The following USP11 variants were observed in gnomAD, a reference collection of about 807,000 sequenced individuals.
USP11 encodes the protein ubiquitin specific peptidase 11.
In USP11, 5 loss-of-function variants were observed where a neutral mutation model predicts 72.8. The observed-to-expected ratio is 0.07, with a 90% CI of 0.04 to 0.14. The LOEUF (loss-of-function observed/expected upper bound fraction) is 0.14. USP11 is among the 10% of genes least tolerant of loss of function. The pLI, the probability that USP11 is intolerant of heterozygous loss-of-function variation, is 1.00. For missense variants in USP11, 480 were observed against 794.7 expected (o/e 0.60, Z 4.76); for synonymous variants, 368 against 326.5 (o/e 1.13, Z -1.37).
At chrX:47,241,822 C>T in intron 9 of USP11, 123 bp downstream of exon 9, 5 of 888,018 alleles carry the variant, frequency 5.6e-6, no homozygotes, top group Non-Finnish European at 7.6e-6. Flanking sequence ...TACCTGACCT[C>T]AACTCCAGCC....
intron 7 of USP11, 198 bp from the exon 8 acceptor site, chrX:47,241,079 T>C: frequency 1.8e-6 from 1 of 563,306 alleles, no homozygotes; most frequent in Non-Finnish European, 2.8e-6. Context: ...TTTTCCCTCT[T>C]CTCTTCCCTG....
chrX:47,240,683 C>T (rs375461231), intron 6 of USP11, 35 bp downstream of exon 6: 17 of 1,207,168 alleles, frequency 1.4e-5, no homozygotes, highest in Admixed American at 2.2e-5. Context: ...AGAGCGGGGG[C>T]GTCCCACAGT....
In USP11 at chrX:47,240,068, G is replaced by A. The variant is rs1259477881; in HGVS notation, c.535+161G>A. ...GCTAAGTTGGGTGGAGGCACTGAGGGGATCTACTAGAGCCCTGAGGGTATG... is the reference window on the plus strand; with the variant it reads ...GCTAAGTTGGGTGGAGGCACTGAGGAGATCTACTAGAGCCCTGAGGGTATG... On this transcript the variant is annotated intron_variant, in intron 4 of 20. Transcript: ENST00000377107. Among the ~76,000 whole-genome samples the A allele has an allele frequency of 5.4e-5, 6 of 111,781 alleles. No homozygotes were observed. In the Admixed American group the frequency reaches 5.7e-4, roughly 11 times the overall value.
rs752228966 is a variant in USP11, at chrX:47,247,951, GAAAA to G, written c.*34_*37del. 8.3e-5 allele frequency: 85 copies of G among 1,023,516 alleles called. No individual in the cohort carries two copies. The highest frequency in any genetic ancestry group is 7.9e-4 in the Admixed American group (17 of 21,492). 84.3% of individuals were successfully genotyped at this position (1,023,516 alleles called of 1,213,427 possible). On this transcript the variant is annotated 3_prime_UTR_variant, in exon 21 of 21. Transcript: ENST00000377107. ...ATTGAGAGCCCTGGGTCCTGCCACA[GAAAA>G]AAAAAAAAAAAAGCCCTCTCTGCAA...
At chrX:47,247,050 C>G (rs753886789) in intron 17 of USP11, 22 bp from the exon 18 acceptor site, 1 of 1,175,210 alleles carries the variant, frequency 8.5e-7, no homozygotes, top group South Asian at 1.9e-5. Context: ...AGTCCGTTTG[C>G]TGACTCGGGC....
chrX:47,236,281 G>A (rs2055371554), intron 1 of USP11, among the ~76,000 whole-genome samples: 1 of 112,414 alleles, frequency 8.9e-6, no homozygotes, highest in African/African-American at 3.2e-5. Context: ...TGCTTCTCTA[G>A]TAAGAGCAAA....
At chrX:47,240,898 C>G (rs1159264113) in intron 7 of USP11, 22 bp downstream of exon 7, 1 of 1,185,695 alleles carries the variant, frequency 8.4e-7, no homozygotes, top group East Asian at 3.0e-5. Context: ...ATAGTTGTGT[C>G]TGGCACAGCC....
chrX:47,243,639 G>A (rs762190730), intron 13 of USP11, 37 bp downstream of exon 13: 2 of 1,173,066 alleles, frequency 1.7e-6, no homozygotes, highest in African/African-American at 1.8e-5. Flanking sequence ...GGGGCGGAGG[G>A]GTCTGAACTC....
At chrX:47,233,497 C>A in intron 1 of USP11, 1 of 978,363 alleles carries the variant, frequency 1.0e-6, no homozygotes, top group Non-Finnish European at 1.3e-6. Context: ...TGGGGCCGGG[C>A]CTGCGTAGTG....
At position 47,243,472 on chromosome X, in the gene USP11, C is replaced by T; in HGVS notation, c.1660C>T (p.Arg554Cys). ...DIVVPVYLRE[R>C]TPARDYNNSY... ...CGTGGTTCCTGTCTACCTGCGGGAG[C>T]GCACCCCTGCCCGTGACTACAACAA... The change falls in exon 13 of 21, where the codon CGC becomes TGC. Residue 554 changes from arginine (R) to cysteine (C), a missense_variant. Arg to Cys is a radical substitution (Grantham distance 180). Coordinates refer to ENST00000377107, the MANE Select transcript of USP11 (RefSeq NM_001371072.1). 3 of 1,211,286 alleles carry T rather than the reference C, an allele frequency of 2.5e-6. No homozygotes were observed. Among genetic ancestry groups the T allele is most frequent in the Non-Finnish European group, 2.2e-6 (2 of 895,379 alleles).
intron 7 of USP11, 71 bp from the exon 8 acceptor site, chrX:47,241,206 T>C: frequency 9.1e-7 from 1 of 1,097,633 alleles, no homozygotes; most frequent in Non-Finnish European, 1.2e-6. Context: ...TCCTGGCTTC[T>C]TTTTGTGTAT....
intron 7 of USP11, 165 bp downstream of exon 7, chrX:47,241,041 A>G (rs1346919670): frequency 1.1e-5 from 6 of 563,006 alleles, no homozygotes; most frequent in Non-Finnish European, 1.7e-5. Flanking sequence ...TTCCTGAACT[A>G]TCAGCCTCTT....
At chrX:47,235,343 A>G (rs755267009) in intron 1 of USP11, among the ~76,000 whole-genome samples, 10 of 112,212 alleles carry the variant, frequency 8.9e-5, no homozygotes, top group Non-Finnish European at 1.9e-4. Context: ...TCCACATGGC[A>G]TCATTGGTGA....
In USP11 at chrX:47,239,107, G is replaced by T; in HGVS notation, c.214G>T (p.Ala72Ser). The T allele has an allele frequency of 8.3e-7, 1 of 1,210,041 alleles. No homozygotes were observed. Among genetic ancestry groups the T allele is most frequent in the Non-Finnish European group, 1.1e-6 (1 of 894,786 alleles). Residue 72 changes from alanine to serine, a missense_variant, in exon 2 of 21, where the codon GCA becomes TCA. Ala to Ser is a moderately conservative substitution (Grantham distance 99). Coordinates refer to ENST00000377107, the MANE Select transcript of USP11 (RefSeq NM_001371072.1). ...GAAGCACTGGTATAAGCAGTGGGAG[G>T]CATACGTGCAGGGAGGGGACCAGGA... ...VEKHWYKQWEAYVQGGDQDSS... is the reference protein window; with the variant it reads ...VEKHWYKQWESYVQGGDQDSS...
At chrX:47,246,229 G>A (rs887063138) in intron 17 of USP11, among the ~76,000 whole-genome samples, 2 of 112,310 alleles carry the variant, frequency 1.8e-5, no homozygotes, top group Non-Finnish European at 3.8e-5. Flanking sequence ...CTCCTCGAGG[G>A]TGAAGACTTA....
Position 47,243,500 on chromosome X carries a change from C to A in USP11, c.1688C>A (p.Ser563Tyr). Reference sequence around the variant, plus strand: ...ACCCCTGCCCGTGACTACAACAACTCCTACTACGGCCTGATGCTTTTTGGA... The same window carrying A: ...ACCCCTGCCCGTGACTACAACAACTACTACTACGGCCTGATGCTTTTTGGA... ...ERTPARDYNN[S>Y]YYGLMLFGHP... Residue 563 changes from serine to tyrosine, a missense_variant, in exon 13 of 21, where the codon TCC becomes TAC. Ser to Tyr is a moderately radical substitution (Grantham distance 144). Transcript: ENST00000377107. The A allele has an allele frequency of 8.3e-7, 1 of 1,211,677 alleles. No homozygotes were observed. Among genetic ancestry groups the A allele is most frequent in the Non-Finnish European group, 1.1e-6 (1 of 895,457 alleles).
chrX:47,236,577 T>G (rs900170459), intron 1 of USP11, among the ~76,000 whole-genome samples: 11 of 112,363 alleles, frequency 9.8e-5, no homozygotes, highest in Non-Finnish European at 2.1e-4. Flanking sequence ...AAATTTTCAC[T>G]TTTTCCTTTT....
intron 1 of USP11, among the ~76,000 whole-genome samples, chrX:47,237,924 T>C (rs930806756): frequency 1.8e-5 from 2 of 110,261 alleles, no homozygotes; most frequent in Non-Finnish European, 3.8e-5. Flanking sequence ...TTAGCACTTA[T>C]TATATGTCAA....
At position 47,241,660 on chromosome X, in the gene USP11, G is replaced by C; in HGVS notation, c.1140G>C (p.Glu380Asp). Residue 380 changes from glutamate (E) to aspartate (D), a missense_variant, in exon 9 of 21, where the codon GAG (glutamate) becomes GAC (aspartate). Around this residue, in one of 5 missense-constraint regions of USP11, gnomAD observed 314 missense variants for 556.0 expected, o/e 0.56. Coordinates refer to ENST00000377107, the MANE Select transcript of USP11 (RefSeq NM_001371072.1). ...ACCTTAATCGGGTGAAGAAGAAGGA[G>C]TATGTGGAGCTGTGCGATGCTGCTG... is the stretch of plus-strand genomic sequence containing the variant. ...HEDLNRVKKK[E>D]YVELCDAAGR... 5 of 1,209,390 alleles carry C rather than the reference G, an allele frequency of 4.1e-6. No individual in the cohort carries two copies. The highest frequency in any genetic ancestry group is 5.6e-6 in the Non-Finnish European group (5 of 894,505).
Sources: allele counts gnomAD v4.1 joint callset (sites outside exome capture counted in the v4.1 genomes callset), GRCh38; gene constraint gnomAD v4.1.1; regional missense constraint gnomAD v4.1.1; transcripts MANE v1.5; gene names NCBI Gene and HGNC (gene_info 2026-07-23, HGNC 2026-07-21).